Variants in GPM6A observed in about 807,000 individuals in gnomAD.
GPM6A encodes glycoprotein M6A.
GPM6A carries 7 observed loss-of-function variants against 32.1 expected under a neutral mutation model. The observed-to-expected ratio is 0.22, with a 90% CI of 0.12 to 0.41. The LOEUF (loss-of-function observed/expected upper bound fraction) is 0.41. Among genes scored for constraint, GPM6A ranks in the 10% least tolerant of loss-of-function variants. GPM6A has a pLI of 1.00. For missense variants in GPM6A, 235 were observed against 347.2 expected, an observed-to-expected ratio of 0.68 and a Z score of 2.57; for synonymous variants, 130 against 123.4, an observed-to-expected ratio of 1.05 and a Z score of -0.35.
intron 1 of GPM6A, among the ~76,000 whole-genome samples, chr4:175,800,406 T>C (rs1734427829): frequency 1.3e-5 from 2 of 152,182 alleles, no homozygotes; most frequent in Non-Finnish European, 2.9e-5. Context: ...ATGCAAATTA[T>C]CCAAGCCAAA....
At chr4:175,697,109 T>C (rs555476865) in intron 2 of GPM6A, among the ~76,000 whole-genome samples, 83 of 152,272 alleles carry the variant, frequency 5.5e-4, no homozygotes, top group African/African-American at 1.9e-3. Context: ...ACCACCCAAA[T>C]ACAGTCTTTA....
intron 1 of GPM6A, among the ~76,000 whole-genome samples, chr4:175,865,026 G>T (rs1736687646): frequency 6.6e-6 from 1 of 152,050 alleles, no homozygotes; most frequent in Admixed American, 6.6e-5. Context: ...GGCCAGGATG[G>T]CCTTGAACTC....
chr4:175,930,227 T>C (rs1738982957), intron 1 of GPM6A, among the ~76,000 whole-genome samples: 1 of 152,086 alleles, frequency 6.6e-6, no homozygotes, highest in African/African-American at 2.4e-5. Flanking sequence ...ATTGTGCTTT[T>C]TGAAAATGCT....
intron 1 of GPM6A, chr4:175,872,526 A>C (rs1458639011): frequency 6.6e-6 from 1 of 152,228 alleles, no homozygotes; most frequent in Non-Finnish European, 1.5e-5. Flanking sequence ...ATATTTCAAA[A>C]GGTTGTATAA....
At chr4:175,890,156 C>A (rs545698514) in intron 1 of GPM6A, among the ~76,000 whole-genome samples, 2 of 152,230 alleles carry the variant, frequency 1.3e-5, no homozygotes, top group South Asian at 4.2e-4. Context: ...ATAACAAGTA[C>A]TGTTGAAAGA....
chr4:175,749,246 A>G (rs1312566787), intron 1 of GPM6A, among the ~76,000 whole-genome samples: 1 of 152,176 alleles, frequency 6.6e-6, no homozygotes, highest in African/African-American at 2.4e-5. Flanking sequence ...TTTTGCATTA[A>G]CCTAATAACT....
chr4:175,969,640 G>A (rs1740439320), intron 1 of GPM6A, among the ~76,000 whole-genome samples: 1 of 152,158 alleles, frequency 6.6e-6, no homozygotes, highest in African/African-American at 2.4e-5. Flanking sequence ...GAACCCGGGA[G>A]GCAAAGGTTG....
intron 3 of GPM6A, among the ~76,000 whole-genome samples, chr4:175,656,997 G>A (rs1354823626): frequency 6.6e-6 from 1 of 152,160 alleles, no homozygotes; most frequent in Non-Finnish European, 1.5e-5. Context: ...TGTATCCAAA[G>A]TCTCTTTATA....
At chr4:175,877,814 T>C (rs951006955) in intron 1 of GPM6A, among the ~76,000 whole-genome samples, 2 of 152,168 alleles carry the variant, frequency 1.3e-5, no homozygotes, top group African/African-American at 4.8e-5. Flanking sequence ...AATTGTTAAC[T>C]CATTCCAGAA....
At chr4:175,932,976 C>A (rs2126315998) in intron 1 of GPM6A, among the ~76,000 whole-genome samples, 1 of 151,996 alleles carries the variant, frequency 6.6e-6, no homozygotes, top group African/African-American at 2.4e-5. Context: ...CAGTCATATT[C>A]ATTGCATGAA....
intron 2 of GPM6A, among the ~76,000 whole-genome samples, chr4:175,697,552 C>T (rs1295418516): frequency 6.6e-6 from 1 of 152,044 alleles, no homozygotes. Flanking sequence ...TTGCACACTT[C>T]TTATCAAAAC....
chr4:175,903,352 T>C (rs1738029145), intron 1 of GPM6A, among the ~76,000 whole-genome samples: 1 of 152,124 alleles, frequency 6.6e-6, no homozygotes. Context: ...TAAAGGGGAA[T>C]GTATACTAGT....
At chr4:175,845,042 A>G (rs1371369276) in intron 1 of GPM6A, among the ~76,000 whole-genome samples, 8 of 152,094 alleles carry the variant, frequency 5.3e-5, no homozygotes, top group African/African-American at 1.9e-4. Flanking sequence ...TTCTTTTTCT[A>G]AAGTCAGCTA....
upstream of GPM6A, chr4:175,812,767 C>T (rs1030148133): frequency 4.1e-6 from 4 of 985,334 alleles, no homozygotes; most frequent in African/African-American, 7.0e-5. Context: ...AGCCCAGATT[C>T]CCGTCGGTTC....
chr4:175,686,842 G>T (rs1381003844), intron 2 of GPM6A, among the ~76,000 whole-genome samples: 1 of 152,174 alleles, frequency 6.6e-6, no homozygotes, highest in Non-Finnish European at 1.5e-5. Context: ...ATTGTCTAAT[G>T]CACTTGTATG....
At chr4:175,860,579 G>C (rs1736544580) in intron 1 of GPM6A, among the ~76,000 whole-genome samples, 1 of 152,178 alleles carries the variant, frequency 6.6e-6, no homozygotes, top group African/African-American at 2.4e-5. Flanking sequence ...GCAAAGATGA[G>C]AGGGAAGCGT....
chr4:175,676,308 A>G (rs1358233084), intron 2 of GPM6A, among the ~76,000 whole-genome samples: 1 of 152,154 alleles, frequency 6.6e-6, no homozygotes, highest in Non-Finnish European at 1.5e-5. Context: ...CTACAGTGCT[A>G]GGATTACATG....
chr4:175,650,429 C>T (rs1741734546), intron 4 of GPM6A, among the ~76,000 whole-genome samples: 1 of 151,978 alleles, frequency 6.6e-6, no homozygotes, highest in African/African-American at 2.4e-5. Flanking sequence ...CTCAGCCTCC[C>T]ACGTAGCTGG....
intron 2 of GPM6A, among the ~76,000 whole-genome samples, chr4:175,683,857 G>GT (rs1184232016): frequency 1.3e-5 from 2 of 151,050 alleles, no homozygotes; most frequent in Non-Finnish European, 2.9e-5. Context: ...TTGAGAAGGA[G>GT]TTTTGCTCTT....
Sources: allele counts gnomAD v4.1 joint callset (sites outside exome capture counted in the v4.1 genomes callset), GRCh38; gene constraint gnomAD v4.1.1; transcripts MANE v1.5; gene names NCBI Gene and HGNC (gene_info 2026-07-23, HGNC 2026-07-21).